Variants in RBMS3 observed in about 807,000 individuals in gnomAD.
RBMS3 encodes RNA-binding motif, single-stranded-interacting protein 3.
RBMS3 carries 27 observed loss-of-function variants against 66.8 expected under a neutral mutation model. The observed-to-expected ratio is 0.40, with a 90% CI of 0.30 to 0.56. The LOEUF (loss-of-function observed/expected upper bound fraction) is 0.56. RBMS3 is among the 20% of genes least tolerant of loss of function. The pLI, the probability that RBMS3 is intolerant of heterozygous loss-of-function variation, is 0.40. For synonymous variants in RBMS3, 188 were observed against 183.0 expected, an observed-to-expected ratio of 1.03 and a Z score of -0.22; for missense variants, 513 against 549.5, an observed-to-expected ratio of 0.93 and a Z score of 0.66.
intron 1 of RBMS3, among the ~76,000 whole-genome samples, chr3:29,429,445 C>T (rs116946991): frequency 6.6e-6 from 1 of 152,290 alleles, no homozygotes; most frequent in East Asian, 1.9e-4. Flanking sequence ...CCTAACAGAA[C>T]CTTCCAGCAA....
intron 3 of RBMS3, among the ~76,000 whole-genome samples, chr3:29,553,808 TA>T (rs10634860): frequency 0.083 from 11,734 of 142,136 alleles, 756 homozygotes; most frequent in East Asian, 0.36. Flanking sequence ...ACTGGCTAAT[TA>T]AAAAAAAAAA....
At chr3:29,281,781 G>A (rs149766234) in intron 1 of RBMS3, 25 bp downstream of exon 1, 34 of 1,582,280 alleles carry the variant, frequency 2.1e-5, no homozygotes, top group East Asian at 1.6e-4. Context: ...ACGGTCTGGC[G>A]ATCAGCGTGG....
chr3:29,536,463 C>T (rs2045561481), intron 3 of RBMS3, among the ~76,000 whole-genome samples: 1 of 152,136 alleles, frequency 6.6e-6, no homozygotes, highest in Non-Finnish European at 1.5e-5. Context: ...TCATGTGCTG[C>T]ATCAGTTTTG....
chr3:29,513,607 A>G (rs2044500690), intron 3 of RBMS3, among the ~76,000 whole-genome samples: 1 of 152,168 alleles, frequency 6.6e-6, no homozygotes, highest in African/African-American at 2.4e-5. Flanking sequence ...TCATTCATTA[A>G]TTACCCTGCC....
At chr3:29,377,929 C>T (rs932545472) in intron 1 of RBMS3, among the ~76,000 whole-genome samples, 1 of 152,200 alleles carries the variant, frequency 6.6e-6, no homozygotes, top group Non-Finnish European at 1.5e-5. Context: ...TAAAATGGCT[C>T]TTGCTACCTG....
intron 1 of RBMS3, among the ~76,000 whole-genome samples, chr3:29,282,960 C>A (rs1312611476): frequency 6.6e-6 from 1 of 152,006 alleles, no homozygotes; most frequent in Non-Finnish European, 1.5e-5. Flanking sequence ...TGTAATCCAC[C>A]CTGCCCCTCC....
chr3:29,317,730 C>T (rs1306881553), intron 1 of RBMS3, among the ~76,000 whole-genome samples: 2 of 151,682 alleles, frequency 1.3e-5, no homozygotes, highest in Non-Finnish European at 1.5e-5. Context: ...TCAAAAAATA[C>T]AGTAATGTCA....
At chr3:29,675,686 A>C (rs1191748400) in intron 4 of RBMS3, among the ~76,000 whole-genome samples, 2 of 152,232 alleles carry the variant, frequency 1.3e-5, no homozygotes, top group Admixed American at 6.5e-5. Flanking sequence ...AATGCTCATC[A>C]TCACTGGTCT....
chr3:29,663,617 G>T (rs536040704), intron 4 of RBMS3, among the ~76,000 whole-genome samples: 2 of 152,246 alleles, frequency 1.3e-5, no homozygotes, highest in African/African-American at 4.8e-5. Flanking sequence ...AGGCAATTTG[G>T]GGAGCTATAA....
intron 1 of RBMS3, among the ~76,000 whole-genome samples, chr3:29,383,225 A>T (rs1371103300): frequency 6.6e-6 from 1 of 152,228 alleles, no homozygotes; most frequent in East Asian, 1.9e-4. Flanking sequence ...TAAATAAGTT[A>T]AAAAATTATG....
intron 6 of RBMS3, among the ~76,000 whole-genome samples, chr3:29,821,330 C>G (rs1463561638): frequency 1.3e-5 from 2 of 152,092 alleles, no homozygotes; most frequent in Non-Finnish European, 2.9e-5. Flanking sequence ...ATCATGGACT[C>G]TATCTTGAGT....
At chr3:29,653,444 A>G (rs2050211139) in intron 4 of RBMS3, among the ~76,000 whole-genome samples, 1 of 152,148 alleles carries the variant, frequency 6.6e-6, no homozygotes, top group Admixed American at 6.6e-5. Context: ...GAAGGATGAT[A>G]CAGAACTGAC....
intron 10 of RBMS3, among the ~76,000 whole-genome samples, chr3:29,931,235 G>A (rs1263713064): frequency 6.6e-6 from 1 of 152,100 alleles, no homozygotes; most frequent in African/African-American, 2.4e-5. Context: ...CCTATTTATA[G>A]AGATTACAAA....
chr3:29,639,225 T>A (rs1461410656), intron 4 of RBMS3, among the ~76,000 whole-genome samples: 7 of 151,784 alleles, frequency 4.6e-5, no homozygotes, highest in Non-Finnish European at 8.8e-5. Flanking sequence ...ATAGTATTTA[T>A]CTACTTTTAC....
chr3:29,760,814 A>T (rs1464848298), intron 5 of RBMS3, among the ~76,000 whole-genome samples: 1 of 152,134 alleles, frequency 6.6e-6, no homozygotes, highest in East Asian at 1.9e-4. Context: ...ACATCTTCTG[A>T]TATAGGGGAA....
intron 1 of RBMS3, among the ~76,000 whole-genome samples, chr3:29,318,829 C>T (rs1465939754): frequency 6.6e-6 from 1 of 151,788 alleles, no homozygotes; most frequent in African/African-American, 2.4e-5. Context: ...GATTACATTA[C>T]AATTTTATTA....
intron 2 of RBMS3, among the ~76,000 whole-genome samples, chr3:29,466,207 T>A (rs933177996): frequency 2.6e-5 from 4 of 151,932 alleles, no homozygotes; most frequent in African/African-American, 9.7e-5. Context: ...AATTAAAGAC[T>A]ATAGATATGT....
chr3:29,303,235 T>G, intron 1 of RBMS3, among the ~76,000 whole-genome samples: 1 of 152,098 alleles, frequency 6.6e-6, no homozygotes, highest in East Asian at 1.9e-4. Flanking sequence ...GGCCAGCCCT[T>G]TCATTGTGAA....
At chr3:29,857,513 C>A (rs2059109854) in intron 6 of RBMS3, among the ~76,000 whole-genome samples, 1 of 143,390 alleles carries the variant, frequency 7.0e-6, no homozygotes, top group Admixed American at 7.1e-5. Flanking sequence ...AGTAGGTTGG[C>A]TAATTATATT....
Sources: allele counts gnomAD v4.1 joint callset (sites outside exome capture counted in the v4.1 genomes callset), GRCh38; gene constraint gnomAD v4.1.1; transcripts MANE v1.5; gene names NCBI Gene and HGNC (gene_info 2026-07-23, HGNC 2026-07-21).